Variants in CBLB observed in about 807,000 individuals in gnomAD.
CBLB encodes Cbl proto-oncogene B, also known as E3 ubiquitin-protein ligase CBL-B.
A neutral mutation model predicts 104.9 loss-of-function variants in CBLB; 31 were observed. That is an observed-to-expected ratio of 0.30 (90% CI 0.22 to 0.40). The LOEUF is 0.40. CBLB is among the 10% of genes least tolerant of loss of function. The pLI is 1.00. For missense variants in CBLB, 1,062 were observed against 1,214.6 expected (o/e 0.87, Z 1.87); for synonymous variants, 440 against 422.6 (o/e 1.04, Z -0.51).
At chr3:105,666,748 A>C (rs2064514905) in intron 18 of CBLB, among the ~76,000 whole-genome samples, 1 of 152,196 alleles carries the variant, frequency 6.6e-6, no homozygotes, top group Admixed American at 6.5e-5. Context: ...CAAATAAAAA[A>C]ATCTTCACAT....
At chr3:105,786,061 C>CGGGT (rs1553794622) in intron 3 of CBLB, among the ~76,000 whole-genome samples, 1 of 79,200 alleles carries the variant, frequency 1.3e-5, no homozygotes, top group African/African-American at 4.3e-5. Context: ...GTGAGAGGAT[C>CGGGT]GGGGGGGGGA....
chr3:105,780,234 C>T (rs1202299651), intron 3 of CBLB, among the ~76,000 whole-genome samples: 1 of 151,864 alleles, frequency 6.6e-6, no homozygotes, highest in African/African-American at 2.4e-5. Context: ...ACCATCTAGA[C>T]ATAGGGAGAA....
At chr3:105,702,003 C>CAA (rs199701184) in intron 12 of CBLB, 91 bp downstream of exon 12, 5 of 1,377,812 alleles carry the variant, frequency 3.6e-6, no homozygotes, top group African/African-American at 2.9e-5. Flanking sequence ...CCATGCTAGG[C>CAA]AAAAAAAAAC....
intron 6 of CBLB, among the ~76,000 whole-genome samples, chr3:105,741,198 GT>G (rs1213115828): frequency 9.5e-4 from 121 of 127,260 alleles, no homozygotes; most frequent in African/African-American, 3.5e-3. Context: ...TAGTTTGTTT[GT>G]TTTTTTTGAG....
intron 3 of CBLB, among the ~76,000 whole-genome samples, chr3:105,833,615 T>C: frequency 6.6e-6 from 1 of 152,104 alleles, no homozygotes; most frequent in Non-Finnish European, 1.5e-5. Context: ...ATTATAAATA[T>C]AAATGAGTTT....
At chr3:105,754,133 G>A (rs72995638) in intron 4 of CBLB, among the ~76,000 whole-genome samples, 2,655 of 152,168 alleles carry the variant, frequency 0.017, 69 homozygotes, top group African/African-American at 0.06. Context: ...TGTAGGAGGT[G>A]GGGCTGGGGA....
intron 2 of CBLB, among the ~76,000 whole-genome samples, chr3:105,859,142 A>C (rs1015946703): frequency 2.6e-5 from 4 of 152,224 alleles, no homozygotes; most frequent in Non-Finnish European, 5.9e-5. Context: ...AAAATGTATT[A>C]GATCAGATAG....
intron 12 of CBLB, among the ~76,000 whole-genome samples, chr3:105,698,408 G>C (rs1055233720): frequency 2.0e-5 from 3 of 151,926 alleles, no homozygotes; most frequent in African/African-American, 7.2e-5. Flanking sequence ...GTAATGAAGG[G>C]AAGCGAGTCC....
At chr3:105,670,839 G>A (rs919676242) in intron 17 of CBLB, 1 of 160,216 alleles carries the variant, frequency 6.2e-6, no homozygotes, top group Non-Finnish European at 1.4e-5. Context: ...TCGGATTTGT[G>A]TGGATTAAAT....
rs1221623767 is a variant in CBLB at position 105,805,302 on chromosome 3, A to ATTT, written c.420-28763_420-28761dup. Among the ~76,000 whole-genome samples, 609 of 138,622 alleles carry ATTT rather than the reference A, an allele frequency of 4.4e-3. 8 individuals carry two copies. Among genetic ancestry groups the ATTT allele is most frequent in the Middle Eastern group, 0.018 (5 of 272 alleles). 90.9% of individuals were successfully genotyped at this position (138,622 alleles called of 152,430 possible). A position where few individuals can be genotyped will look rare whatever the true frequency, so the allele number is the denominator to read the frequency against. ...CTCTCCTCAAAACATATGGCCCCCAATTTTTTTTTTTTTTTTTTGAGAGGG... is the reference window on the plus strand; with the variant it reads ...CTCTCCTCAAAACATATGGCCCCCAATTTTTTTTTTTTTTTTTTTTTGAGAGGG... On this transcript the variant is annotated intron_variant, in intron 3 of 18. Transcript: ENST00000394030.
chr3:105,665,090 C>A (rs938449732), intron 18 of CBLB, among the ~76,000 whole-genome samples: 1 of 152,102 alleles, frequency 6.6e-6, no homozygotes, highest in South Asian at 2.1e-4. Flanking sequence ...TTTCTTTCTT[C>A]TATAAATTGA....
At chr3:105,866,467 T>C (rs2092432504) in intron 2 of CBLB, among the ~76,000 whole-genome samples, 1 of 152,222 alleles carries the variant, frequency 6.6e-6, no homozygotes, top group African/African-American at 2.4e-5. Context: ...ACTAAACTTA[T>C]AATTGGCCCC....
intron 3 of CBLB, among the ~76,000 whole-genome samples, chr3:105,783,681 C>A (rs2080578033): frequency 6.6e-6 from 1 of 152,086 alleles, no homozygotes; most frequent in Admixed American, 6.6e-5. Flanking sequence ...GGGAATAAAG[C>A]TGAGATGGAA....
Position 105,720,249 on chromosome 3 carries a change from T to G in CBLB, c.1205A>C (p.Glu402Ala). Residue 402 changes from glutamate to alanine, a missense_variant and splice_region_variant, in exon 10 of 19, where the codon GAG becomes GCG. Physicochemically the swap from Glu to Ala is moderately radical, Grantham distance 107. This residue lies in a region of CBLB where 457 missense variants were observed against 632.0 expected (regional missense o/e 0.72). Transcript: ENST00000394030. Reference sequence around the variant, plus strand: ...GAAAGGGCAGCCCTGACCATCCGACTCCTAAACAAATAGAAAATGCATGGA... The same window carrying G: ...GAAAGGGCAGCCCTGACCATCCGACGCCTAAACAAATAGAAAATGCATGGA... The part of the protein sequence containing the change: ...MCTSCLTAWQ[E>A]SDGQGCPFCR... 1 of 1,611,176 alleles carries G rather than the reference T, an allele frequency of 6.2e-7. No individual in the cohort carries two copies. The highest frequency in any genetic ancestry group is 8.5e-7 in the Non-Finnish European group (1 of 1,178,592).
At chr3:105,751,340 T>A in intron 5 of CBLB, 122 bp downstream of exon 5, 1 of 768,156 alleles carries the variant, frequency 1.3e-6, no homozygotes, top group Non-Finnish European at 2.3e-6. Context: ...GGAATGACAC[T>A]ATTTTCCATA....
intron 18 of CBLB, among the ~76,000 whole-genome samples, chr3:105,661,625 T>C (rs1251457505): frequency 2.6e-5 from 4 of 152,190 alleles, no homozygotes; most frequent in Admixed American, 2.6e-4. Context: ...TGCACATGAA[T>C]GCCAGGCATG....
intron 3 of CBLB, among the ~76,000 whole-genome samples, chr3:105,780,669 T>TTTTTG (rs1560209672): frequency 5.3e-5 from 7 of 131,768 alleles, no homozygotes; most frequent in East Asian, 2.1e-4. Context: ...TGTTTTTTTT[T>TTTTTG]TTTTTTTTTT....
At chr3:105,683,034 C>CGGT (rs34779380) in intron 14 of CBLB, among the ~76,000 whole-genome samples, 112,385 of 152,274 alleles carry the variant, frequency 0.74, 41,637 homozygotes, top group Middle Eastern at 0.82. Flanking sequence ...ATGGAAGAGA[C>CGGT]GGATATTTGA....
chr3:105,747,133 T>G (rs745370376), intron 5 of CBLB, among the ~76,000 whole-genome samples: 1 of 152,218 alleles, frequency 6.6e-6, no homozygotes, highest in African/African-American at 2.4e-5. Context: ...CAGTCAGTGA[T>G]AGACAACTTT....
Sources: allele counts gnomAD v4.1 joint callset (sites outside exome capture counted in the v4.1 genomes callset), GRCh38; gene constraint gnomAD v4.1.1; regional missense constraint gnomAD v4.1.1; transcripts MANE v1.5; gene names NCBI Gene and HGNC (gene_info 2026-07-23, HGNC 2026-07-21).